BBS12: variants seen among roughly 807,000 people sequenced by gnomAD.
The protein encoded by BBS12 is chaperonin-containing T-complex member BBS12.
BBS12 carries 5 observed loss-of-function variants against 5.6 expected under a neutral mutation model. The ratio of observed to expected loss-of-function variants is 0.89; its 90% CI spans 0.46 to 1.86. BBS12 has a LOEUF of 1.86. BBS12 is among the 40% of genes most tolerant of loss of function. The pLI is 0.01. For missense variants in BBS12, 748 were observed against 830.4 expected, an observed-to-expected ratio of 0.90 and a Z score of 1.22; for synonymous variants, 308 against 306.8, an observed-to-expected ratio of 1.00 and a Z score of -0.04.
rs3034555 is a variant in BBS12 at position 122,733,376 on chromosome 4, AACACACACACACACACACACACAC to A, written c.-11+518_-11+541del. ...CTATCGGACCCCGCCCTCCAACCCC[AACACACACACACACACACACACAC>A]ACACACACACACACACACACACACA... is the stretch of plus-strand genomic sequence containing the variant. On this transcript the variant is annotated intron_variant, in intron 1 of 1. Coordinates refer to ENST00000314218, the MANE Select transcript of BBS12 (RefSeq NM_152618.3). 7.0e-4 allele frequency among the ~76,000 whole-genome samples: 62 copies of A among 88,176 alleles called. 2 individuals are homozygous for A. The highest frequency in any genetic ancestry group is 2.8e-3 in the African/African-American group (56 of 19,796). 57.8% of individuals were successfully genotyped at this position (88,176 alleles called of 152,430 possible). A position where few individuals can be genotyped will look rare whatever the true frequency, so the allele number is the denominator to read the frequency against.
At chr4:122,707,054 C>CTCTCTTTTTTTT in the BBS12 span, among the ~76,000 whole-genome samples, 1 of 72,250 alleles carries the variant, frequency 1.4e-5, no homozygotes, top group Non-Finnish European at 2.4e-5. Context: ...CTCTCTCTCT[C>CTCTCTTTTTTTT]TTTTTTTTTT....
the BBS12 span, among the ~76,000 whole-genome samples, chr4:122,721,990 A>G: frequency 6.6e-6 from 1 of 152,118 alleles, no homozygotes; most frequent in Non-Finnish European, 1.5e-5. Flanking sequence ...CTCTGACAAC[A>G]ATGCAATTCA....
upstream of BBS12, chr4:122,729,558 G>A (rs1800671885): frequency 6.6e-6 from 1 of 152,220 alleles, no homozygotes; most frequent in African/African-American, 2.4e-5. Context: ...GGCAACTGGG[G>A]AATTTTTAAA....
rs756955366 is a variant in BBS12 at position 122,743,183 on chromosome 4, C to T, written c.1291C>T (p.Arg431Trp). The change falls in exon 2 of 2, where the codon CGG (arginine) becomes TGG (tryptophan). Residue 431 changes from arginine to tryptophan, a missense_variant. Arg to Trp is a moderately radical substitution (Grantham distance 101). Coordinates refer to ENST00000314218, the MANE Select transcript of BBS12 (RefSeq NM_152618.3). Reference protein sequence around the residue: ...RLIEKCINSKRLVIGSVNGSV... With the variant: ...RLIEKCINSKWLVIGSVNGSV... The stretch of plus-strand genomic sequence containing the variant: ...AATTGAAAAATGTATAAACAGTAAG[C>T]GGTTGGTAATCGGCTCAGTGAATGG... 1.9e-6 allele frequency: 3 copies of T among 1,614,148 alleles called. No homozygotes were observed. The highest frequency in any genetic ancestry group is 1.1e-5 in the South Asian group (1 of 91,074).
the BBS12 span, among the ~76,000 whole-genome samples, chr4:122,727,100 A>AT: frequency 0.43 from 64,776 of 151,870 alleles, 15,217 homozygotes; most frequent in East Asian, 0.65. Context: ...AAATAAAAAC[A>AT]TTTTTTTAAA....
intron 1 of BBS12, among the ~76,000 whole-genome samples, chr4:122,735,755 G>A (rs1800775557): frequency 6.6e-6 from 1 of 152,154 alleles, no homozygotes. Flanking sequence ...ATACATCATT[G>A]ACTAAAATTG....
chr4:122,730,015 A>G (rs1008620455), upstream of BBS12: 4 of 152,230 alleles, frequency 2.6e-5, no homozygotes, highest in African/African-American at 7.2e-5. Flanking sequence ...AGAGGTATTA[A>G]GTGCTCACTA....
chr4:122,711,368 A>G, the BBS12 span, among the ~76,000 whole-genome samples: 809 of 152,292 alleles, frequency 5.3e-3, 15 homozygotes, highest in African/African-American at 0.019. Context: ...GGAAAAAAAA[A>G]AAAAAAGGAA....
At chr4:122,707,844 TAG>T in the BBS12 span, among the ~76,000 whole-genome samples, 1 of 152,112 alleles carries the variant, frequency 6.6e-6, no homozygotes, top group Admixed American at 6.5e-5. Flanking sequence ...GGGAAAACAC[TAG>T]GAGAATTTGA....
the BBS12 span, among the ~76,000 whole-genome samples, chr4:122,716,605 ACATG>A: frequency 0.33 from 40,017 of 121,794 alleles, 8,404 homozygotes; most frequent in East Asian, 0.61. Context: ...ATGTATACAC[ACATG>A]TGTGTATATG....
At chr4:122,739,782 A>G (rs942330514) in intron 1 of BBS12, among the ~76,000 whole-genome samples, 12 of 152,254 alleles carry the variant, frequency 7.9e-5, no homozygotes, top group African/African-American at 2.9e-4. Flanking sequence ...CACCTCTGCA[A>G]TGACAAGCTG....
the BBS12 span, among the ~76,000 whole-genome samples, chr4:122,702,387 G>A: frequency 6.6e-6 from 1 of 152,200 alleles, no homozygotes; most frequent in Non-Finnish European, 1.5e-5. Flanking sequence ...GAGATCTGGA[G>A]AGAGAGAGCA....
chr4:122,722,537 G>A, the BBS12 span, among the ~76,000 whole-genome samples: 9 of 152,106 alleles, frequency 5.9e-5, 1 homozygote, highest in South Asian at 8.3e-4. Flanking sequence ...GAACATAATA[G>A]CTCTCCATTT....
chr4:122,708,228 C>T, the BBS12 span, among the ~76,000 whole-genome samples: 2 of 152,064 alleles, frequency 1.3e-5, no homozygotes, highest in Non-Finnish European at 2.9e-5. Flanking sequence ...CCCAAGCTGT[C>T]TTGAACTCCT....
chr4:122,739,320 G>T (rs1206945706), intron 1 of BBS12, among the ~76,000 whole-genome samples: 2 of 152,232 alleles, frequency 1.3e-5, no homozygotes, highest in African/African-American at 4.8e-5. Flanking sequence ...TACATTGTTG[G>T]TGGGAATGTT....
rs1800955012 is a variant in BBS12, at chr4:122,744,368, G to A, written c.*343G>A. The A allele has an allele frequency of 3.6e-6, 1 of 280,708 alleles. No homozygotes were observed. Among genetic ancestry groups the A allele is most frequent in the Non-Finnish European group, 7.2e-6 (1 of 138,334 alleles). 17.4% of individuals were successfully genotyped at this position (280,708 alleles called of 1,614,324 possible). On this transcript the variant is annotated 3_prime_UTR_variant, in exon 2 of 2. Transcript: ENST00000314218. ...AGGAGGAACACAAAGGGCCCATGAT[G>A]AAAGCCTGCACACAGTGGGTTATGT... is the stretch of plus-strand genomic sequence containing the variant.
upstream of BBS12, chr4:122,732,662 T>TCGCAGCCCGG (rs1359661490): frequency 7.2e-5 from 11 of 152,572 alleles, no homozygotes; most frequent in Admixed American, 7.2e-4. Flanking sequence ...TCCCCGCCTT[T>TCGCAGCCCGG]CGCAGCCCGG....
the BBS12 span, among the ~76,000 whole-genome samples, chr4:122,708,743 C>T: frequency 1.9e-4 from 29 of 152,112 alleles, no homozygotes; most frequent in South Asian, 3.1e-3. Flanking sequence ...ATCATTGCCA[C>T]CTTCTATACA....
the BBS12 span, among the ~76,000 whole-genome samples, chr4:122,701,785 G>C: frequency 6.6e-6 from 1 of 152,168 alleles, no homozygotes; most frequent in Non-Finnish European, 1.5e-5. Context: ...GACCTTTCCT[G>C]TTGTTCCTGA....
Sources: gnomAD v4.1 joint callset for allele counts (sites outside exome capture counted in the v4.1 genomes callset) on GRCh38, gnomAD v4.1.1 for gene constraint, MANE v1.5 for transcripts, NCBI Gene and HGNC (gene_info 2026-07-23, HGNC 2026-07-21) for gene names.